Variants in ADGRV1 observed in about 807,000 individuals in gnomAD.
ADGRV1 encodes the protein adhesion G protein-coupled receptor V1.
A neutral mutation model predicts 596.2 loss-of-function variants in ADGRV1; 359 were observed. The ratio of observed to expected loss-of-function variants is 0.60; its 90% CI spans 0.55 to 0.66. The LOEUF is 0.66. Among genes scored for constraint, ADGRV1 ranks in the 30% least tolerant of loss-of-function variants. The probability of loss-of-function intolerance (pLI) is 0.00; values close to 1 mark genes in which losing one functional copy is unlikely to be tolerated. For synonymous variants in ADGRV1, 2,681 were observed against 2,679.2 expected, an observed-to-expected ratio of 1.00 and a Z score of -0.02; for missense variants, 7,274 against 7,575.6, an observed-to-expected ratio of 0.96 and a Z score of 1.48.
chr5:90,563,438 A>T (rs561663768), intron 1 of ADGRV1, among the ~76,000 whole-genome samples: 1 of 152,268 alleles, frequency 6.6e-6, no homozygotes, highest in Non-Finnish European at 1.5e-5. Flanking sequence ...GTAGGGTGCC[A>T]TAGGGCAAGG....
intron 21 of ADGRV1, among the ~76,000 whole-genome samples, chr5:90,667,643 G>A (rs547257978): frequency 0.013 from 2,018 of 151,564 alleles, 32 homozygotes; most frequent in African/African-American, 0.039. Flanking sequence ...GCTTTGTTCC[G>A]TTGCTGGTGA....
At chr5:91,032,775 T>G (rs973258287) in intron 85 of ADGRV1, among the ~76,000 whole-genome samples, 1 of 152,192 alleles carries the variant, frequency 6.6e-6, no homozygotes, top group South Asian at 2.1e-4. Context: ...TTCTCTTAGA[T>G]GCATATAGAT....
chr5:91,036,637 C>T (rs1305329782), intron 85 of ADGRV1, among the ~76,000 whole-genome samples: 1 of 151,524 alleles, frequency 6.6e-6, no homozygotes, highest in Non-Finnish European at 1.5e-5. Flanking sequence ...GAGGCAGGAT[C>T]ACTTGAGCCC....
intron 21 of ADGRV1, among the ~76,000 whole-genome samples, chr5:90,658,711 T>G (rs1769791170): frequency 6.6e-6 from 1 of 151,232 alleles, no homozygotes; most frequent in East Asian, 1.9e-4. Flanking sequence ...CGTACTTGAG[T>G]AGTTAGTTAT....
At chr5:91,139,259 T>C (rs915553009) in intron 87 of ADGRV1, among the ~76,000 whole-genome samples, 1 of 152,220 alleles carries the variant, frequency 6.6e-6, no homozygotes, top group Non-Finnish European at 1.5e-5. Context: ...CGAAGTTCCA[T>C]TATAATGAAG....
chr5:91,053,010 G>C (rs1234738328), intron 85 of ADGRV1, among the ~76,000 whole-genome samples: 1 of 152,084 alleles, frequency 6.6e-6, no homozygotes, highest in East Asian at 1.9e-4. Flanking sequence ...AGGGCGTGGT[G>C]AATTATTTTA....
intron 84 of ADGRV1, among the ~76,000 whole-genome samples, chr5:90,981,051 G>C (rs868442548): frequency 6.6e-6 from 1 of 152,128 alleles, no homozygotes; most frequent in Non-Finnish European, 1.5e-5. Context: ...TAGGACACAC[G>C]CCCATGATAC....
chr5:90,641,510 T>G (rs5028525), intron 11 of ADGRV1, among the ~76,000 whole-genome samples: 64,533 of 152,094 alleles, frequency 0.42, 13,994 homozygotes, highest in Admixed American at 0.56. Context: ...ATGAGGATAT[T>G]GATATAAATG....
chr5:90,713,957 T>C (rs1749737540), intron 42 of ADGRV1, among the ~76,000 whole-genome samples: 1 of 152,198 alleles, frequency 6.6e-6, no homozygotes, highest in East Asian at 1.9e-4. Context: ...CCCCATTGAT[T>C]GACCTTGAGA....
intron 71 of ADGRV1, 66 bp from the exon 72 acceptor site, chr5:90,805,218 C>T: frequency 2.2e-6 from 3 of 1,391,154 alleles, no homozygotes; most frequent in Non-Finnish European, 3.0e-6. Flanking sequence ...TTACGTTTAA[C>T]CCATTCCTCA....
intron 12 of ADGRV1, 42 bp from the exon 13 acceptor site, chr5:90,642,814 T>C (rs1767155917): frequency 6.2e-7 from 1 of 1,603,016 alleles, no homozygotes; most frequent in Non-Finnish European, 8.5e-7. Flanking sequence ...TTTAGAAGAA[T>C]GATCTCAAAG....
chr5:91,052,804 A>G (rs1343834456), intron 85 of ADGRV1, among the ~76,000 whole-genome samples: 1 of 152,170 alleles, frequency 6.6e-6, no homozygotes, highest in African/African-American at 2.4e-5. Flanking sequence ...GTAGTTTAAG[A>G]GAAACTTTTC....
At chr5:90,654,078 C>A (rs574138092) in intron 20 of ADGRV1, 126 bp downstream of exon 20, 1 of 958,414 alleles carries the variant, frequency 1.0e-6, no homozygotes, top group Non-Finnish European at 1.6e-6. Flanking sequence ...GGTTTAATTT[C>A]TTTAATCAAA....
At chr5:90,805,889 T>G (rs1761857396) in intron 72 of ADGRV1, among the ~76,000 whole-genome samples, 1 of 152,192 alleles carries the variant, frequency 6.6e-6, no homozygotes, top group African/African-American at 2.4e-5. Flanking sequence ...CTTTGAGAGC[T>G]AGTGAGATGC....
At position 91,008,083 on chromosome 5, in the gene ADGRV1, T is replaced by C. The variant is rs535581785; in HGVS notation, c.18152+22561T>C. Among the ~76,000 whole-genome samples the C allele has an allele frequency of 2.2e-4, 33 of 152,314 alleles. No homozygotes were observed. The South Asian group carries it at 4.4e-3, about 20-fold the overall frequency. ...AATGGCTTTAACCCCTATTTTATCATTTAGAAGATATCTTACAGTCAAATA... is the reference window on the plus strand; with the variant it reads ...AATGGCTTTAACCCCTATTTTATCACTTAGAAGATATCTTACAGTCAAATA... On this transcript the variant is annotated intron_variant, in intron 85 of 89. Transcript: ENST00000405460.
At chr5:90,853,949 A>G (rs2150408858) in intron 80 of ADGRV1, 113 bp from the exon 81 acceptor site, 5 of 771,438 alleles carry the variant, frequency 6.5e-6, no homozygotes, top group Non-Finnish European at 1.1e-5. Flanking sequence ...CTAACAGTGA[A>G]AGAAAACAAA....
chr5:91,145,647 CAA>C (rs112071831), intron 87 of ADGRV1, among the ~76,000 whole-genome samples: 1 of 129,434 alleles, frequency 7.7e-6, no homozygotes, highest in African/African-American at 2.8e-5. Context: ...TTATTGTTTC[CAA>C]AAAAAAAAAC....
At chr5:90,951,509 T>A (rs893093328) in intron 83 of ADGRV1, among the ~76,000 whole-genome samples, 43 of 152,192 alleles carry the variant, frequency 2.8e-4, no homozygotes, top group African/African-American at 9.9e-4. Context: ...CACTGTTTAC[T>A]CCTAAAAACT....
chr5:90,893,946 T>C (rs1771064818), intron 83 of ADGRV1, among the ~76,000 whole-genome samples: 1 of 152,172 alleles, frequency 6.6e-6, no homozygotes, highest in Non-Finnish European at 1.5e-5. Context: ...TAAAAACTGG[T>C]ATTGGGAAAC....
Sources: allele counts gnomAD v4.1 joint callset (sites outside exome capture counted in the v4.1 genomes callset), GRCh38; gene constraint gnomAD v4.1.1; transcripts MANE v1.5; gene names NCBI Gene and HGNC (gene_info 2026-07-23, HGNC 2026-07-21).